IL1R1: variants seen among roughly 807,000 people sequenced by gnomAD.
IL1R1 encodes the protein interleukin 1 receptor type 1.
Under a neutral mutation model 50.2 loss-of-function variants are expected in IL1R1, and 22 were observed. The observed-to-expected ratio is 0.44, with a 90% CI of 0.31 to 0.63. The LOEUF is 0.63. Ranked by LOEUF, IL1R1 falls within the 20% of genes least tolerant of loss-of-function variation. The pLI is 0.07. For missense variants in IL1R1, 509 were observed against 676.2 expected, an observed-to-expected ratio of 0.75 and a Z score of 2.74; for synonymous variants, 251 against 236.7, an observed-to-expected ratio of 1.06 and a Z score of -0.55.
At chr2:102,106,238 C>G (rs923075407) in intron 1 of IL1R1, among the ~76,000 whole-genome samples, 2 of 151,638 alleles carry the variant, frequency 1.3e-5, no homozygotes, top group Admixed American at 6.6e-5. Flanking sequence ...GTGTGTGTCT[C>G]TGTGTGTGTG....
upstream of IL1R1, among the ~76,000 whole-genome samples, chr2:102,140,003 G>C (rs1039223073): frequency 1.3e-5 from 2 of 152,156 alleles, no homozygotes; most frequent in Non-Finnish European, 2.9e-5. Context: ...GTCTAGTAAA[G>C]AGCAGCTCCC....
chr2:102,076,700 T>A (rs1009402355), intron 1 of IL1R1, among the ~76,000 whole-genome samples: 3 of 152,138 alleles, frequency 2.0e-5, no homozygotes, highest in African/African-American at 7.2e-5. Flanking sequence ...TTTTTTTTGC[T>A]CTTCTTTGGC....
At chr2:102,089,549 T>C (rs1188022408) in intron 1 of IL1R1, among the ~76,000 whole-genome samples, 1 of 152,072 alleles carries the variant, frequency 6.6e-6, no homozygotes, top group Admixed American at 6.5e-5. Context: ...GTTGGAAAAA[T>C]GGAGCTGATA....
intron 1 of IL1R1, among the ~76,000 whole-genome samples, chr2:102,132,249 A>G (rs1177725185): frequency 6.6e-6 from 1 of 151,862 alleles, no homozygotes; most frequent in Non-Finnish European, 1.5e-5. Context: ...CAAAGGATAG[A>G]GCACCAGAAA....
At chr2:102,078,125 T>G (rs984934737) in intron 1 of IL1R1, among the ~76,000 whole-genome samples, 1 of 152,068 alleles carries the variant, frequency 6.6e-6, no homozygotes, top group African/African-American at 2.4e-5. Flanking sequence ...AAAAGGATCT[T>G]AAATGACTTA....
chr2:102,153,967 C>T lies in IL1R1; in HGVS notation c.-57C>T, dbSNP rs1204726052. On this transcript the variant is annotated 5_prime_UTR_variant, in exon 2 of 12. Coordinates refer to ENST00000410023, the MANE Select transcript of IL1R1 (RefSeq NM_000877.4). The stretch of plus-strand genomic sequence containing the variant: ...TAGACGCACCCTCTGAAGATGGTGA[C>T]TCCCTCCTGAGAAGCTGGACCCCTT... 6.6e-6 allele frequency: 1 copy of T among 152,256 alleles called. No individual in the cohort carries two copies. Among genetic ancestry groups the T allele is most frequent in the Non-Finnish European group, 1.5e-5 (1 of 68,042 alleles). The allele number at this position is 152,256 out of a possible 1,614,324, so 9.4% of individuals were successfully genotyped here.
At chr2:102,082,200 A>AT (rs1163783123) in intron 1 of IL1R1, among the ~76,000 whole-genome samples, 1 of 152,160 alleles carries the variant, frequency 6.6e-6, no homozygotes, top group East Asian at 1.9e-4. Flanking sequence ...CATTGCCTTA[A>AT]TTAATCCTTT....
chr2:102,096,495 A>T (rs1679908225), intron 1 of IL1R1, among the ~76,000 whole-genome samples: 1 of 151,932 alleles, frequency 6.6e-6, no homozygotes, highest in Non-Finnish European at 1.5e-5. Context: ...CATTTAGTTT[A>T]TTGGCCTTTC....
At chr2:102,136,733 T>C (rs1032722227) in intron 1 of IL1R1, among the ~76,000 whole-genome samples, 4 of 152,200 alleles carry the variant, frequency 2.6e-5, no homozygotes, top group African/African-American at 9.6e-5. Context: ...GTTGCCAAGT[T>C]GTTTGTTCTG....
chr2:102,176,791 C>A lies in IL1R1; in HGVS notation c.*32C>A. On this transcript the variant is annotated 3_prime_UTR_variant, in exon 12 of 12. Coordinates refer to ENST00000410023, the MANE Select transcript of IL1R1 (RefSeq NM_000877.4). ...GAAGTTGCCAAGAGTTCTTTAGGTG[C>A]CTCCTGTCTTATGGCGTTGCAGGCC... The A allele has an allele frequency of 6.2e-7, 1 of 1,602,274 alleles. No homozygotes were observed. Among genetic ancestry groups the A allele is most frequent in the Non-Finnish European group, 8.5e-7 (1 of 1,172,110 alleles).
intron 1 of IL1R1, among the ~76,000 whole-genome samples, chr2:102,098,029 AGT>A (rs1322579821): frequency 6.6e-6 from 1 of 152,122 alleles, no homozygotes; most frequent in Non-Finnish European, 1.5e-5. Flanking sequence ...TAAAATTATC[AGT>A]GTATAACCCG....
At chr2:102,150,172 C>A (rs35318065) in intron 1 of IL1R1, among the ~76,000 whole-genome samples, 24,194 of 152,168 alleles carry the variant, frequency 0.16, 2,099 homozygotes, top group East Asian at 0.25. Flanking sequence ...AATAAATGCA[C>A]TGTGGCTACA....
At chr2:102,164,662 A>G (rs1384990244) in intron 3 of IL1R1, 112 bp from the exon 4 acceptor site, 1 of 696,884 alleles carries the variant, frequency 1.4e-6, no homozygotes, top group African/African-American at 1.8e-5. Flanking sequence ...AAGCTTTTAT[A>G]TGTAATGTGA....
Position 102,176,835 on chromosome 2 carries a change from A to G in IL1R1, c.*76A>G. ...GCAGGCCAGGTTATGCCTCATGCTG[A>G]CTTGCAGAGTTCATGGAATGTAACT... On this transcript the variant is annotated 3_prime_UTR_variant, in exon 12 of 12. Transcript: ENST00000410023. 1 of 1,344,114 alleles carries G rather than the reference A, an allele frequency of 7.4e-7. No homozygotes were observed. Among genetic ancestry groups the G allele is most frequent in the Non-Finnish European group, 1.0e-6 (1 of 959,930 alleles). The allele number at this position is 1,344,114 out of a possible 1,614,324, so 83.3% of individuals were successfully genotyped here. A position where few individuals can be genotyped will look rare whatever the true frequency, so the allele number is the denominator to read the frequency against.
At chr2:102,165,058 G>A (rs199611572) in intron 4 of IL1R1, 50 bp downstream of exon 4, 21 of 1,567,922 alleles carry the variant, frequency 1.3e-5, no homozygotes, top group Non-Finnish European at 1.6e-5. Flanking sequence ...TCCTGCAGTT[G>A]TTAAGGACAG....
At chr2:102,129,080 C>T (rs1217920149) in intron 1 of IL1R1, among the ~76,000 whole-genome samples, 1 of 151,842 alleles carries the variant, frequency 6.6e-6, no homozygotes, top group East Asian at 1.9e-4. Flanking sequence ...GTGTGGTGGT[C>T]CAGGCCTGTA....
intron 1 of IL1R1, among the ~76,000 whole-genome samples, chr2:102,072,391 G>A (rs1678771432): frequency 6.6e-6 from 1 of 152,112 alleles, no homozygotes; most frequent in African/African-American, 2.4e-5. Flanking sequence ...TAAAAGTTTG[G>A]CGCTTTATCC....
chr2:102,154,522 G>A (rs550200714), intron 2 of IL1R1, among the ~76,000 whole-genome samples: 172 of 151,968 alleles, frequency 1.1e-3, no homozygotes, highest in South Asian at 2.3e-3. Context: ...TACCTGCCCC[G>A]ACCTCAGCGA....
chr2:102,079,584 TA>T (rs2104285092), intron 1 of IL1R1, among the ~76,000 whole-genome samples: 1 of 152,250 alleles, frequency 6.6e-6, no homozygotes, highest in African/African-American at 2.4e-5. Context: ...TTATTGAAAG[TA>T]ATTTTAAAAT....
Sources: allele counts gnomAD v4.1 joint callset (sites outside exome capture counted in the v4.1 genomes callset), GRCh38; gene constraint gnomAD v4.1.1; transcripts MANE v1.5; gene names NCBI Gene and HGNC (gene_info 2026-07-23, HGNC 2026-07-21).